Variants in PARL observed in about 807,000 individuals in gnomAD.
PARL encodes presenilin-associated rhomboid-like protein, mitochondrial.
In PARL, 44 loss-of-function variants were observed where a neutral mutation model predicts 51.6. That is an observed-to-expected ratio of 0.85 (90% CI 0.67 to 1.10). The LOEUF (loss-of-function observed/expected upper bound fraction) is 1.10, where lower values mean the gene tolerates loss of function less well. Among genes scored for constraint, PARL ranks in the 50% least tolerant of loss-of-function variants. The pLI is 0.00. For missense variants in PARL, 441 were observed against 469.5 expected (o/e 0.94, Z 0.56); for synonymous variants, 172 against 164.0 (o/e 1.05, Z -0.37).
intron 2 of PARL, 89 bp from the exon 3 acceptor site, chr3:183,866,854 C>T (rs1380103972): frequency 5.1e-6 from 5 of 977,766 alleles, no homozygotes; most frequent in Non-Finnish European, 7.9e-6. Flanking sequence ...ACTGTCATTG[C>T]TTTTTACAAA....
Position 183,881,714 on chromosome 3 carries a change from T to C in PARL, c.125+3008A>G, listed in dbSNP as rs1457360185. ...TTGAGGCTGCAGTGAGCTATGATAG[T>C]GCCACTGCACTTCAACCTAGGTGAC... is the stretch of plus-strand genomic sequence containing the variant. On this transcript the variant is annotated intron_variant, in intron 1 of 9. Coordinates refer to ENST00000317096, the MANE Select transcript of PARL (RefSeq NM_018622.7). 3.3e-5 allele frequency among the ~76,000 whole-genome samples: 5 copies of C among 152,212 alleles called. No homozygotes were observed. The East Asian group carries it at 7.7e-4, about 24-fold the overall frequency.
chr3:183,842,150 G>C, intron 6 of PARL, 148 bp downstream of exon 6: 2 of 815,876 alleles, frequency 2.5e-6, no homozygotes, highest in Non-Finnish European at 4.2e-6. Flanking sequence ...CCAATCTGTG[G>C]CTCCCTTCTC....
chr3:183,875,245 T>C (rs969782406), intron 1 of PARL, among the ~76,000 whole-genome samples: 1 of 151,812 alleles, frequency 6.6e-6, no homozygotes, highest in Non-Finnish European at 1.5e-5. Context: ...TGAAACTCCA[T>C]CTCTACTAAA....
chr3:183,843,533 A>AAATAT (rs1464527844), intron 5 of PARL, among the ~76,000 whole-genome samples: 10 of 151,934 alleles, frequency 6.6e-5, no homozygotes, highest in Admixed American at 3.3e-4. Flanking sequence ...AAATAAAATA[A>AAATAT]AATAAAAAGT....
At chr3:183,864,918 TTTTC>T (rs1447806845) in intron 3 of PARL, among the ~76,000 whole-genome samples, 2 of 117,000 alleles carry the variant, frequency 1.7e-5, no homozygotes, top group Non-Finnish European at 1.9e-5. Context: ...TTTTTTTTTT[TTTTC>T]CGTATTTCAT....
At chr3:183,882,224 T>A (rs1203842255) in intron 1 of PARL, among the ~76,000 whole-genome samples, 6,649 of 29,692 alleles carry the variant, frequency 0.22, 507 homozygotes, top group East Asian at 0.43. Context: ...AAAAAAAAAA[T>A]ATATATATAT....
At chr3:183,831,663 T>C (rs1727955071) in intron 9 of PARL, among the ~76,000 whole-genome samples, 1 of 152,212 alleles carries the variant, frequency 6.6e-6, no homozygotes, top group African/African-American at 2.4e-5. Flanking sequence ...ACTGTAAGGT[T>C]TGGTCAGAGG....
At chr3:183,859,318 C>T in intron 4 of PARL, among the ~76,000 whole-genome samples, 1 of 152,074 alleles carries the variant, frequency 6.6e-6, no homozygotes, top group East Asian at 1.9e-4. Context: ...CCAAACCTGG[C>T]ATCAGCTGTA....
chr3:183,877,271 T>C (rs1206667636), intron 1 of PARL, among the ~76,000 whole-genome samples: 1 of 152,164 alleles, frequency 6.6e-6, no homozygotes, highest in Non-Finnish European at 1.5e-5. Flanking sequence ...AAGATGTGAT[T>C]GAATTGCTGC....
intron 4 of PARL, chr3:183,846,608 A>G (rs73177511): frequency 1.1e-5 from 11 of 985,356 alleles, no homozygotes; most frequent in Non-Finnish European, 3.6e-6. Flanking sequence ...ATAAATAATG[A>G]GTACTGGCAC....
At chr3:183,831,391 A>C (rs1727921727) in intron 9 of PARL, among the ~76,000 whole-genome samples, 1 of 152,266 alleles carries the variant, frequency 6.6e-6, no homozygotes. Flanking sequence ...TGGCTAAACT[A>C]AAATCGGGAA....
intron 7 of PARL, among the ~76,000 whole-genome samples, chr3:183,839,676 C>G (rs1448059315): frequency 6.6e-6 from 1 of 152,042 alleles, no homozygotes; most frequent in Non-Finnish European, 1.5e-5. Flanking sequence ...ACCTCAGCCT[C>G]CCAAAGTGCT....
intron 4 of PARL, 62 bp downstream of exon 4, chr3:183,862,691 C>T: frequency 7.8e-7 from 1 of 1,279,394 alleles, no homozygotes; most frequent in Non-Finnish European, 1.1e-6. Flanking sequence ...TTGTGACATA[C>T]TGTACCTTTT....
chr3:183,835,621 C>T (rs1157119467), intron 7 of PARL, among the ~76,000 whole-genome samples: 1 of 152,144 alleles, frequency 6.6e-6, no homozygotes, highest in Non-Finnish European at 1.5e-5. Context: ...AATCCCAGCA[C>T]TCTGAGGGGC....
At chr3:183,832,375 C>T (rs1048152276) in intron 9 of PARL, among the ~76,000 whole-genome samples, 4 of 151,998 alleles carry the variant, frequency 2.6e-5, no homozygotes, top group South Asian at 4.2e-4. Flanking sequence ...CCCGCCACCA[C>T]GCCCGGCTAA....
chr3:183,851,008 C>T (rs1431730499), intron 4 of PARL, among the ~76,000 whole-genome samples: 1 of 152,166 alleles, frequency 6.6e-6, no homozygotes, highest in Non-Finnish European at 1.5e-5. Flanking sequence ...CGATTACGGT[C>T]ACCTGATTTT....
Position 183,884,737 on chromosome 3 carries a change from T to G in PARL, c.110A>C (p.Gln37Pro). The G allele has an allele frequency of 2.5e-6, 4 of 1,581,632 alleles. No individual in the cohort carries two copies. The highest frequency in any genetic ancestry group is 3.4e-6 in the Non-Finnish European group (4 of 1,166,006). ...EELTAVLTPP[Q>P]LLGRRFNFFI... is the part of the protein sequence containing the mutation. ...CGGCTATTACCTGCGTCCGAGGAGC[T>G]GCGGCGGGGTTAGGACCGCAGTGAG... The change falls in exon 1 of 10, where the codon CAG becomes CCG. Residue 37 changes from glutamine to proline, a missense_variant. Coordinates refer to ENST00000317096, the MANE Select transcript of PARL (RefSeq NM_018622.7).
rs947676220 is a variant in PARL, at chr3:183,850,486, T to C, written c.512-6160A>G. On this transcript the variant is annotated intron_variant, in intron 4 of 9. Coordinates refer to ENST00000317096, the MANE Select transcript of PARL (RefSeq NM_018622.7). ...TAACTAATCAAATCTGCAAAGACCC[T>C]ATTTCAAGTAAAGTAACATTCTGTG... Among the ~76,000 whole-genome samples the C allele has an allele frequency of 3.9e-5, 6 of 152,358 alleles. No homozygotes were observed. In the South Asian group the frequency reaches 1.2e-3, roughly 32 times the overall value.
chr3:183,833,634 G>C (rs1325407238), intron 8 of PARL, 45 bp from the exon 9 acceptor site: 1 of 1,499,012 alleles, frequency 6.7e-7, no homozygotes, highest in Non-Finnish European at 9.3e-7. Context: ...GATTGCTCCA[G>C]CACTGACATT....
Sources: gnomAD v4.1 joint callset for allele counts (sites outside exome capture counted in the v4.1 genomes callset) on GRCh38, gnomAD v4.1.1 for gene constraint, MANE v1.5 for transcripts, NCBI Gene and HGNC (gene_info 2026-07-23, HGNC 2026-07-21) for gene names.